Variants in SLC26A7 observed in about 807,000 individuals in gnomAD.
The protein encoded by SLC26A7 is solute carrier family 26 member 7, also known as anion exchange transporter.
Under a neutral mutation model 82.5 loss-of-function variants are expected in SLC26A7, and 59 were observed. That is an observed-to-expected ratio of 0.72 (90% CI 0.58 to 0.89). The LOEUF (loss-of-function observed/expected upper bound fraction) is 0.89, where lower values mean the gene tolerates loss of function less well. Ranked by LOEUF, SLC26A7 falls within the 40% of genes least tolerant of loss-of-function variation. The pLI is 0.00. For synonymous variants in SLC26A7, 271 were observed against 274.3 expected, an observed-to-expected ratio of 0.99 and a Z score of 0.12; for missense variants, 820 against 793.0, an observed-to-expected ratio of 1.03 and a Z score of -0.41.
At chr8:91,343,647 G>T (rs1813481594) in intron 9 of SLC26A7, among the ~76,000 whole-genome samples, 181 bp downstream of exon 9, 1 of 152,090 alleles carries the variant, frequency 6.6e-6, no homozygotes, top group Non-Finnish European at 1.5e-5. Context: ...TGACACTTAC[G>T]AAAGCTAAGG....
At chr8:91,251,973 A>G (rs1255452486) in intron 2 of SLC26A7, among the ~76,000 whole-genome samples, 1 of 152,166 alleles carries the variant, frequency 6.6e-6, no homozygotes, top group Non-Finnish European at 1.5e-5. Context: ...TAACTAGAAT[A>G]GGATACAGAG....
intron 7 of SLC26A7, among the ~76,000 whole-genome samples, chr8:91,339,577 T>C (rs895134283): frequency 6.6e-6 from 1 of 152,128 alleles, no homozygotes; most frequent in African/African-American, 2.4e-5. Context: ...ACATACTGGG[T>C]TTTAAAAATC....
intron 6 of SLC26A7, among the ~76,000 whole-genome samples, chr8:91,335,228 GA>G (rs1432704251): frequency 1.5e-4 from 23 of 152,138 alleles, no homozygotes; most frequent in African/African-American, 5.5e-4. Flanking sequence ...TCTAATTGTT[GA>G]AATTATGTAG....
At chr8:91,307,739 T>C (rs1412626029) in intron 4 of SLC26A7, among the ~76,000 whole-genome samples, 1 of 147,166 alleles carries the variant, frequency 6.8e-6, no homozygotes, top group African/African-American at 2.5e-5. Context: ...GCATGGCACA[T>C]GTATACATAT....
At chr8:91,256,439 A>C (rs1437751191) in intron 2 of SLC26A7, among the ~76,000 whole-genome samples, 2 of 152,148 alleles carry the variant, frequency 1.3e-5, no homozygotes, top group Non-Finnish European at 2.9e-5. Context: ...GCTATTTATT[A>C]TTAAAATGGT....
intron 5 of SLC26A7, among the ~76,000 whole-genome samples, chr8:91,319,569 A>G (rs547319940): frequency 2.0e-4 from 30 of 152,374 alleles, no homozygotes; most frequent in Admixed American, 1.7e-3. Flanking sequence ...CACTGAAACA[A>G]GAACACTGGA....
At chr8:91,370,236 T>C (rs1271669219) in intron 15 of SLC26A7, among the ~76,000 whole-genome samples, 3 of 151,496 alleles carry the variant, frequency 2.0e-5, no homozygotes, top group Non-Finnish European at 4.4e-5. Context: ...TTTTTCTCTT[T>C]ACTTCTTCCT....
At chr8:91,262,628 T>C (rs1811000279) in intron 2 of SLC26A7, among the ~76,000 whole-genome samples, 1 of 151,998 alleles carries the variant, frequency 6.6e-6, no homozygotes, top group African/African-American at 2.4e-5. Flanking sequence ...TCTTGTGGAC[T>C]ATTGTAGGCC....
intron 1 of SLC26A7, among the ~76,000 whole-genome samples, chr8:91,212,752 A>C (rs1468529615): frequency 6.6e-6 from 1 of 152,206 alleles, no homozygotes; most frequent in African/African-American, 2.4e-5. Flanking sequence ...TTTAATGTAC[A>C]TTAGGTACTA....
chr8:91,322,684 G>A (rs1263133011), intron 5 of SLC26A7, among the ~76,000 whole-genome samples: 1 of 152,134 alleles, frequency 6.6e-6, no homozygotes, highest in Non-Finnish European at 1.5e-5. Context: ...TGATAAATTT[G>A]GCAAGGATAC....
At chr8:91,367,244 G>A (rs1022816738) in intron 14 of SLC26A7, among the ~76,000 whole-genome samples, 5 of 152,188 alleles carry the variant, frequency 3.3e-5, no homozygotes, top group African/African-American at 1.2e-4. Flanking sequence ...TCCTGACCTC[G>A]TGATCCACCC....
chr8:91,332,689 C>A (rs949514127), intron 5 of SLC26A7, among the ~76,000 whole-genome samples: 1 of 150,876 alleles, frequency 6.6e-6, no homozygotes, highest in Non-Finnish European at 1.5e-5. Context: ...TGCCACCATA[C>A]CCAGCTAATT....
At chr8:91,286,009 AAT>A (rs1238974967) in intron 2 of SLC26A7, among the ~76,000 whole-genome samples, 1 of 152,226 alleles carries the variant, frequency 6.6e-6, no homozygotes, top group East Asian at 1.9e-4. Flanking sequence ...TCTGAATTTT[AAT>A]ATATAAATCT....
intron 4 of SLC26A7, among the ~76,000 whole-genome samples, chr8:91,317,957 T>TA (rs10589637): frequency 0.017 from 2,105 of 121,024 alleles, 46 homozygotes; most frequent in African/African-American, 0.06. Flanking sequence ...TATATATATA[T>TA]AAAATAAAAA....
At chr8:91,352,072 C>T (rs978114755) in intron 10 of SLC26A7, among the ~76,000 whole-genome samples, 185 bp downstream of exon 10, 3 of 151,638 alleles carry the variant, frequency 2.0e-5, no homozygotes, top group East Asian at 1.9e-4. Flanking sequence ...GAGGGGGTAC[C>T]GTGGCTGTTT....
At chr8:91,285,329 A>T (rs1195108777) in intron 2 of SLC26A7, among the ~76,000 whole-genome samples, 3 of 152,134 alleles carry the variant, frequency 2.0e-5, no homozygotes, top group Admixed American at 6.5e-5. Flanking sequence ...GTGTTTTCAC[A>T]TGCCTTCATC....
chr8:91,335,381 AC>A (rs1419487866), intron 6 of SLC26A7, among the ~76,000 whole-genome samples: 2 of 152,174 alleles, frequency 1.3e-5, no homozygotes, highest in Non-Finnish European at 2.9e-5. Flanking sequence ...GATTTATATA[AC>A]ATATGTGATT....
intron 9 of SLC26A7, among the ~76,000 whole-genome samples, chr8:91,345,894 A>T (rs1813548814): frequency 6.6e-6 from 1 of 152,146 alleles, no homozygotes. Flanking sequence ...TTTGAGAAAG[A>T]TTATACTTAT....
intron 15 of SLC26A7, among the ~76,000 whole-genome samples, chr8:91,385,143 T>C (rs1325030025): frequency 6.6e-6 from 1 of 152,180 alleles, no homozygotes; most frequent in African/African-American, 2.4e-5. Flanking sequence ...TGAAATGTTG[T>C]TTTTGTGTAG....
Sources: allele counts gnomAD v4.1 joint callset (sites outside exome capture counted in the v4.1 genomes callset), GRCh38; gene constraint gnomAD v4.1.1; transcripts MANE v1.5; gene names NCBI Gene and HGNC (gene_info 2026-07-23, HGNC 2026-07-21).